FUT9: variants seen among roughly 807,000 people sequenced by gnomAD.
FUT9 encodes the protein fucosyltransferase 9.
FUT9 carries 15 observed loss-of-function variants against 29.7 expected under a neutral mutation model. That is an observed-to-expected ratio of 0.51 (90% CI 0.34 to 0.78). FUT9 has a LOEUF of 0.78. Among genes scored for constraint, FUT9 ranks in the 30% least tolerant of loss-of-function variants. FUT9 has a pLI of 0.01. For synonymous variants in FUT9, 169 were observed against 153.7 expected, an observed-to-expected ratio of 1.10 and a Z score of -0.74; for missense variants, 319 against 425.4, an observed-to-expected ratio of 0.75 and a Z score of 2.20.
At chr6:96,067,432 C>T (rs1310719713) in intron 1 of FUT9, among the ~76,000 whole-genome samples, 1 of 152,008 alleles carries the variant, frequency 6.6e-6, no homozygotes. Context: ...AACAGAAGTG[C>T]TTTAAACATA....
chr6:96,094,313 T>C (rs1243010903), intron 1 of FUT9, among the ~76,000 whole-genome samples: 1 of 152,140 alleles, frequency 6.6e-6, no homozygotes, highest in Non-Finnish European at 1.5e-5. Flanking sequence ...TTATCAGACC[T>C]TGTCACAGTA....
At chr6:96,080,893 A>T (rs1771224763) in intron 1 of FUT9, among the ~76,000 whole-genome samples, 1 of 152,112 alleles carries the variant, frequency 6.6e-6, no homozygotes, top group Non-Finnish European at 1.5e-5. Context: ...TGGTAAACAT[A>T]TTTCTTATTT....
At chr6:96,149,104 C>T (rs1050847562) in intron 2 of FUT9, among the ~76,000 whole-genome samples, 6 of 151,612 alleles carry the variant, frequency 4.0e-5, no homozygotes, top group East Asian at 1.9e-4. Flanking sequence ...TGCAGTGAGC[C>T]GTGAGCCAAG....
intron 1 of FUT9, among the ~76,000 whole-genome samples, chr6:96,024,295 C>A (rs894379776): frequency 3.3e-5 from 5 of 151,786 alleles, no homozygotes; most frequent in East Asian, 1.9e-4. Context: ...AATAGAGATA[C>A]CCTGACTTCT....
chr6:96,140,522 T>A (rs1482101191), intron 2 of FUT9, among the ~76,000 whole-genome samples: 1 of 152,188 alleles, frequency 6.6e-6, no homozygotes, highest in Non-Finnish European at 1.5e-5. Context: ...CACACTGCTA[T>A]GAAGAAATAC....
chr6:96,071,099 T>G (rs1771051173), intron 1 of FUT9, among the ~76,000 whole-genome samples: 1 of 152,378 alleles, frequency 6.6e-6, no homozygotes, highest in African/African-American at 2.4e-5. Context: ...ATAAAAATTC[T>G]TTGAAATCTA....
At chr6:96,172,768 A>G (rs1384559819) in intron 2 of FUT9, among the ~76,000 whole-genome samples, 4 of 151,820 alleles carry the variant, frequency 2.6e-5, no homozygotes, top group African/African-American at 9.7e-5. Flanking sequence ...AACATGCACA[A>G]AATTCTCATT....
chr6:96,178,120 A>G (rs1773239308), intron 2 of FUT9, among the ~76,000 whole-genome samples: 1 of 152,166 alleles, frequency 6.6e-6, no homozygotes, highest in Non-Finnish European at 1.5e-5. Flanking sequence ...GGCCCAGAAC[A>G]TAATGGCAGT....
At chr6:96,043,218 A>AT (rs901184035) in intron 1 of FUT9, among the ~76,000 whole-genome samples, 4 of 151,954 alleles carry the variant, frequency 2.6e-5, no homozygotes, top group African/African-American at 4.8e-5. Context: ...CGCCCGGCTA[A>AT]TTTTTTGTAT....
At chr6:96,034,900 T>A (rs1369975107) in intron 1 of FUT9, among the ~76,000 whole-genome samples, 1 of 151,760 alleles carries the variant, frequency 6.6e-6, no homozygotes, top group Non-Finnish European at 1.5e-5. Context: ...CAATGGCCTA[T>A]TACAAAGCAG....
At chr6:96,159,473 C>A (rs548181028) in intron 2 of FUT9, among the ~76,000 whole-genome samples, 1 of 152,042 alleles carries the variant, frequency 6.6e-6, no homozygotes, top group Non-Finnish European at 1.5e-5. Context: ...TTCTACAAGA[C>A]CAAATGTATT....
chr6:96,048,694 G>A (rs1019904753), intron 1 of FUT9, among the ~76,000 whole-genome samples: 2 of 152,162 alleles, frequency 1.3e-5, no homozygotes, highest in South Asian at 4.1e-4. Context: ...AAAAGAGATC[G>A]GCAGTGGATG....
intron 1 of FUT9, among the ~76,000 whole-genome samples, chr6:96,073,509 G>A (rs1042309683): frequency 6.6e-6 from 1 of 151,648 alleles, no homozygotes; most frequent in African/African-American, 2.4e-5. Context: ...AACATGCAAC[G>A]CAAGTAAAGG....
chr6:96,122,341 A>G (rs988815018), intron 2 of FUT9, among the ~76,000 whole-genome samples: 2 of 152,174 alleles, frequency 1.3e-5, no homozygotes, highest in African/African-American at 2.4e-5. Context: ...GGAATTTCCA[A>G]TACAATATTG....
At chr6:96,124,856 A>C (rs1039812513) in intron 2 of FUT9, among the ~76,000 whole-genome samples, 2 of 152,128 alleles carry the variant, frequency 1.3e-5, no homozygotes, top group Admixed American at 6.5e-5. Context: ...ATTTTTGAAA[A>C]ATGTGTTAGT....
At chr6:96,045,956 A>C (rs557839794) in intron 1 of FUT9, among the ~76,000 whole-genome samples, 10 of 152,334 alleles carry the variant, frequency 6.6e-5, no homozygotes, top group African/African-American at 2.4e-4. Context: ...GTAGGGTATA[A>C]TTTTCAGCTT....
chr6:96,106,992 G>A (rs1771700511), intron 1 of FUT9, among the ~76,000 whole-genome samples: 1 of 152,186 alleles, frequency 6.6e-6, no homozygotes, highest in African/African-American at 2.4e-5. Flanking sequence ...GCAGAGTGAA[G>A]CTGATGCAAC....
intron 2 of FUT9, among the ~76,000 whole-genome samples, chr6:96,136,532 C>T (rs1044399246): frequency 6.6e-5 from 10 of 152,018 alleles, no homozygotes; most frequent in Non-Finnish European, 1.5e-4. Flanking sequence ...TATATTTTAT[C>T]TTTATATTTT....
chr6:96,187,718 AAAAT>A (rs1348014687), intron 2 of FUT9, among the ~76,000 whole-genome samples: 1 of 152,174 alleles, frequency 6.6e-6, no homozygotes, highest in Non-Finnish European at 1.5e-5. Flanking sequence ...TTAAGTGATT[AAAAT>A]AAATATTTTA....
Sources: allele counts gnomAD v4.1 joint callset (sites outside exome capture counted in the v4.1 genomes callset), GRCh38; gene constraint gnomAD v4.1.1; transcripts MANE v1.5; gene names NCBI Gene and HGNC (gene_info 2026-07-23, HGNC 2026-07-21).